Variants in NUTM1 observed in about 807,000 individuals in gnomAD.
The protein encoded by NUTM1 is NUT midline carcinoma family member 1.
NUTM1 carries 39 observed loss-of-function variants against 88.7 expected under a neutral mutation model. The ratio of observed to expected loss-of-function variants is 0.44; its 90% confidence interval spans 0.34 to 0.57. The LOEUF (loss-of-function observed/expected upper bound fraction) is 0.57. NUTM1 is among the 20% of genes least tolerant of loss of function. The pLI is 0.01. For missense variants in NUTM1, 1,350 were observed against 1,414.5 expected, an observed-to-expected ratio of 0.95 and a Z score of 0.73; for synonymous variants, 494 against 538.0, an observed-to-expected ratio of 0.92 and a Z score of 1.13.
chr15:34,348,559 C>T lies in NUTM1; in HGVS notation c.691C>T (p.Arg231Cys), dbSNP rs760672574. The T allele has an allele frequency of 7.4e-5, 120 of 1,613,794 alleles. No individual in the cohort carries two copies. The highest frequency in any genetic ancestry group is 1.6e-4 in the Middle Eastern group (1 of 6,084). ...TCTATCCAAGCCTTCCCTAGGTGACCGCTCCAAAATTTCCAAGGACGTTTA... is the reference window on the plus strand; with the variant it reads ...TCTATCCAAGCCTTCCCTAGGTGACTGCTCCAAAATTTCCAAGGACGTTTA... ...ATLSKPSLGD[R>C]SKISKDVYEN... The change falls in exon 3 of 8, where the codon CGC (arginine) becomes TGC (cysteine). Residue 231 changes from arginine to cysteine, a missense_variant. By Grantham distance (180) the Arg-to-Cys change is radical. Coordinates refer to ENST00000537011, the MANE Select transcript of NUTM1 (RefSeq NM_001284292.2).
rs867830654 is a variant in NUTM1 at position 34,348,402 on chromosome 15, C to G, written c.534C>G (p.Val178=). The G allele has an allele frequency of 6.2e-7, 1 of 1,614,066 alleles. No individual in the cohort carries two copies. Among genetic ancestry groups the G allele is most frequent in the Non-Finnish European group, 8.5e-7 (1 of 1,180,022 alleles). ...KTILPSKAVG[V]SQEGPPGLPP... The stretch of plus-strand genomic sequence containing the variant: ...TTCTGCCCTCTAAGGCTGTTGGTGT[C>G]AGCCAGGAGGGTCCTCCAGGCCTTC... Residue 178 remains valine (V), a synonymous_variant, in exon 3 of 8, where the codon GTC becomes GTG. Coordinates refer to ENST00000537011, the MANE Select transcript of NUTM1 (RefSeq NM_001284292.2).
chr15:34,348,543 G>C lies in NUTM1; in HGVS notation c.675G>C (p.Lys225Asn), dbSNP rs749466825. 2.5e-6 allele frequency: 4 copies of C among 1,614,082 alleles called. No individual in the cohort carries two copies. The highest frequency in any genetic ancestry group is 3.4e-6 in the Non-Finnish European group (4 of 1,180,034). ...GEGGPVATLSKPSLGDRSKIS... is the reference protein window; with the variant it reads ...GEGGPVATLSNPSLGDRSKIS... ...GAGGTCCTGTGGCCACTCTATCCAA[G>C]CCTTCCCTAGGTGACCGCTCCAAAA... is the stretch of plus-strand genomic sequence containing the variant. The change falls in exon 3 of 8, where the codon AAG becomes AAC. Residue 225 changes from lysine to asparagine, a missense_variant. Around this residue, in one of 5 missense-constraint regions of NUTM1, gnomAD observed 399 missense variants for 397.9 expected, o/e 1.00. Coordinates refer to ENST00000537011, the MANE Select transcript of NUTM1 (RefSeq NM_001284292.2).
intron 4 of NUTM1, among the ~76,000 whole-genome samples, chr15:34,351,677 A>C (rs1890712155): frequency 6.6e-6 from 1 of 152,036 alleles, no homozygotes; most frequent in Non-Finnish European, 1.5e-5. Flanking sequence ...TTCTCTTCTC[A>C]TTGACTTGGT....
chr15:34,343,333 A>G lies in NUTM1; in HGVS notation c.-364A>G. 1 of 623,242 alleles carries G rather than the reference A, an allele frequency of 1.6e-6. No individual in the cohort carries two copies. The highest frequency in any genetic ancestry group is 1.9e-5 in the South Asian group (1 of 53,514). 38.6% of individuals were successfully genotyped at this position (623,242 alleles called of 1,614,324 possible). A position where few individuals can be genotyped will look rare whatever the true frequency, so the allele number is the denominator to read the frequency against. On this transcript the variant is annotated 5_prime_UTR_variant, in exon 1 of 8. Coordinates refer to ENST00000537011, the MANE Select transcript of NUTM1 (RefSeq NM_001284292.2). Reference sequence around the variant, plus strand: ...AGTGTCCCTACTGTGTGCTAGGTACACGGCGTTAGAGGGGGGTAGGGATGG... The same window carrying G: ...AGTGTCCCTACTGTGTGCTAGGTACGCGGCGTTAGAGGGGGGTAGGGATGG...
intron 4 of NUTM1, among the ~76,000 whole-genome samples, chr15:34,352,657 A>C (rs1890729927): frequency 6.7e-6 from 1 of 149,484 alleles, no homozygotes; most frequent in Non-Finnish European, 1.5e-5. Context: ...AAAAAAAAAA[A>C]AAGCCAGGCG....
intron 4 of NUTM1, among the ~76,000 whole-genome samples, chr15:34,351,381 CA>C (rs541718460): frequency 1.6e-3 from 130 of 80,958 alleles, no homozygotes; most frequent in South Asian, 2.3e-3. Flanking sequence ...GACCTCATCA[CA>C]AAAAAAAAAA....
At chr15:34,344,284 G>A (rs576073762) in intron 1 of NUTM1, among the ~76,000 whole-genome samples, 8 of 150,476 alleles carry the variant, frequency 5.3e-5, no homozygotes, top group African/African-American at 1.5e-4. Context: ...AGGCTGAGAC[G>A]GGTGGATCAC....
At chr15:34,354,812 C>A in intron 6 of NUTM1, 80 bp downstream of exon 6, 2 of 1,405,714 alleles carry the variant, frequency 1.4e-6, no homozygotes, top group Non-Finnish European at 2.0e-6. Flanking sequence ...GGGGTTTGTC[C>A]AATGCAGTAG....
In NUTM1 at chr15:34,356,420, A is replaced by G. The variant is rs1404134393; in HGVS notation, c.2412A>G (p.Leu804=). The change falls in exon 8 of 8, where the codon CTA becomes CTG. Residue 804 remains leucine (L), a synonymous_variant. Transcript: ENST00000537011. ...GNISLGPGET[L]VPGDTESSVI... ...TTTCCCTGGGTCCTGGAGAAACCCT[A>G]GTACCTGGGGATACGGAGAGCAGTG... 13 of 1,611,076 alleles carry G rather than the reference A, an allele frequency of 8.1e-6. No individual in the cohort carries two copies. In the East Asian group the frequency reaches 8.9e-5, roughly 11 times the overall value.
Position 34,355,557 on chromosome 15 carries a change from G to A in NUTM1, c.1549G>A (p.Ala517Thr), listed in dbSNP as rs150270874. The A allele has an allele frequency of 6.8e-6, 11 of 1,614,010 alleles. No individual in the cohort carries two copies. Among genetic ancestry groups the A allele is most frequent in the Middle Eastern group, 1.6e-4 (1 of 6,084 alleles). Reference sequence around the variant, plus strand: ...AGAGGCGCCTCCAAGTTTCAGTGGCGCTCAGTTGGACTCAAGTCCTTCTGG... The same window carrying A: ...AGAGGCGCCTCCAAGTTTCAGTGGCACTCAGTTGGACTCAAGTCCTTCTGG... ...DAEAPPSFSG[A>T]QLDSSPSGSV... Residue 517 changes from alanine to threonine, a missense_variant, in exon 8 of 8, where the codon GCT (alanine) becomes ACT (threonine). By Grantham distance (58) the Ala-to-Thr change is moderately conservative. Transcript: ENST00000537011. The surrounding 1 kb of genome is among the most constrained non-coding windows in gnomAD (Gnocchi z 4.3).
chr15:34,357,638 A>C lies in NUTM1; in HGVS notation c.*147A>C, dbSNP rs780761879. On this transcript the variant is annotated 3_prime_UTR_variant, in exon 8 of 8. Transcript: ENST00000537011. ...TTGTTGTTCTGCAAAAGTGGCAAGCATGGAGAGAGAGGTCAGACTGGCTAG... is the reference window on the plus strand; with the variant it reads ...TTGTTGTTCTGCAAAAGTGGCAAGCCTGGAGAGAGAGGTCAGACTGGCTAG... The C allele has an allele frequency of 6.8e-7, 1 of 1,475,844 alleles. No individual in the cohort carries two copies. Among genetic ancestry groups the C allele is most frequent in the Non-Finnish European group, 9.4e-7 (1 of 1,068,160 alleles). The allele number at this position is 1,475,844 out of a possible 1,614,324, so 91.4% of individuals were successfully genotyped here.
chr15:34,353,624 C>A, intron 4 of NUTM1, 112 bp from the exon 5 acceptor site: 4 of 1,319,690 alleles, frequency 3.0e-6, no homozygotes, highest in Non-Finnish European at 4.2e-6. Flanking sequence ...CTTAGGCAGA[C>A]TTTGCCCACC....
chr15:34,344,520 A>G (rs946947953), intron 1 of NUTM1, among the ~76,000 whole-genome samples: 1 of 147,002 alleles, frequency 6.8e-6, no homozygotes, highest in Non-Finnish European at 1.5e-5. Flanking sequence ...AAAAAAAAAA[A>G]AAAAGAATAT....
intron 1 of NUTM1, among the ~76,000 whole-genome samples, chr15:34,345,682 T>C (rs1890572388): frequency 6.6e-6 from 1 of 152,186 alleles, no homozygotes; most frequent in African/African-American, 2.4e-5. Context: ...AAAACTGTAA[T>C]GTGTTGGGAA....
At chr15:34,349,733 C>T (rs114925742) in intron 3 of NUTM1, among the ~76,000 whole-genome samples, 1,892 of 152,308 alleles carry the variant, frequency 0.012, 48 homozygotes, top group African/African-American at 0.043. Flanking sequence ...CCCTCTACCC[C>T]GAACTTGGAG....
chr15:34,346,577 G>T (rs1169122780), intron 2 of NUTM1, among the ~76,000 whole-genome samples: 4 of 1,172 alleles, frequency 3.4e-3, no homozygotes, highest in African/African-American at 0.025. Flanking sequence ...AGGCTGGAAT[G>T]TATTATAAAC....
chr15:34,348,277 C>T lies in NUTM1; in HGVS notation c.409C>T (p.Leu137Phe). 2 of 1,614,232 alleles carry T rather than the reference C, an allele frequency of 1.2e-6. No homozygotes were observed. Among genetic ancestry groups the T allele is most frequent in the Non-Finnish European group, 1.7e-6 (2 of 1,180,044 alleles). Residue 137 changes from leucine (L) to phenylalanine (F), a missense_variant, in exon 3 of 8, where the codon CTT (leucine) becomes TTT (phenylalanine). Coordinates refer to ENST00000537011, the MANE Select transcript of NUTM1 (RefSeq NM_001284292.2). ...GCCCTCTCAAACTCAGAACTTTATC[C>T]TTACTCAGACTGCCCTCAATTCGAC... ...AEPSQTQNFILTQTALNSTAP... is the reference protein window; with the variant it reads ...AEPSQTQNFIFTQTALNSTAP...
chr15:34,350,586 G>C, intron 3 of NUTM1, 118 bp from the exon 4 acceptor site: 1 of 1,225,526 alleles, frequency 8.2e-7, no homozygotes, highest in Non-Finnish European at 1.1e-6. Flanking sequence ...GGACACGACA[G>C]GCCCTAAGGG....
chr15:34,343,610 TTA>T lies in NUTM1; in HGVS notation c.-85_-84del. On this transcript the variant is annotated 5_prime_UTR_variant, in exon 1 of 8. An upstream open reading frame in the 5' UTR gains an earlier in-frame stop. Coordinates refer to ENST00000537011, the MANE Select transcript of NUTM1 (RefSeq NM_001284292.2). ...TTCCGTAAAGCGAAAGAGCGTAAAG[TTA>T]TTTTATGAAACTGGTGAAGCATGTT... The T allele has an allele frequency of 6.5e-7, 1 of 1,535,526 alleles. No homozygotes were observed. Among genetic ancestry groups the T allele is most frequent in the African/African-American group, 1.4e-5 (1 of 73,166 alleles).
Sources: gnomAD v4.1 joint callset for allele counts (sites outside exome capture counted in the v4.1 genomes callset) on GRCh38, gnomAD v4.1.1 for gene constraint, gnomAD v4.1.1 regional missense constraint, Gnocchi (gnomAD v3.1) non-coding constraint, MANE v1.5 for transcripts, NCBI Gene and HGNC (gene_info 2026-07-23, HGNC 2026-07-21) for gene names.